The following ACTR2 variants were observed in gnomAD, a reference collection of about 807,000 sequenced individuals.
ACTR2 encodes the protein actin-related protein 2.
A neutral mutation model predicts 50.2 loss-of-function variants in ACTR2; 5 were observed. The observed-to-expected ratio is 0.10, with a 90% CI of 0.05 to 0.21. The LOEUF (loss-of-function observed/expected upper bound fraction) is 0.21. Among genes scored for constraint, ACTR2 ranks in the 10% least tolerant of loss-of-function variants. The pLI is 1.00. For missense variants in ACTR2, 180 were observed against 480.6 expected, an observed-to-expected ratio of 0.37 and a Z score of 5.85; for synonymous variants, 140 against 162.9, an observed-to-expected ratio of 0.86 and a Z score of 1.07.
At chr2:65,259,110 C>T (rs1373559679) in intron 6 of ACTR2, among the ~76,000 whole-genome samples, 1 of 151,912 alleles carries the variant, frequency 6.6e-6, no homozygotes, top group East Asian at 1.9e-4. Context: ...GTAGCTGGGA[C>T]CAAAGCTGGA....
chr2:65,270,201 T>G lies in ACTR2; in HGVS notation c.*1467T>G, dbSNP rs957191242. ...AAATATTTTTCTTCATTTTAAAACT[T>G]TTTTTTAACTAATAATAGCTTTGAA... On this transcript the variant is annotated 3_prime_UTR_variant, in exon 9 of 9. Transcript: ENST00000260641. 4.1e-5 allele frequency: 3 copies of G among 73,778 alleles called. No individual in the cohort carries two copies. The highest frequency in any genetic ancestry group is 1.8e-4 in the Admixed American group (1 of 5,518). 4.6% of individuals were successfully genotyped at this position (73,778 alleles called of 1,614,324 possible). A position where few individuals can be genotyped will look rare whatever the true frequency, so the allele number is the denominator to read the frequency against.
chr2:65,251,512 C>T (rs780702265), intron 4 of ACTR2, among the ~76,000 whole-genome samples: 1 of 152,104 alleles, frequency 6.6e-6, no homozygotes, highest in Non-Finnish European at 1.5e-5. Context: ...CAGGCATGTG[C>T]CACCACACCT....
intron 2 of ACTR2, 29 bp downstream of exon 2, chr2:65,239,991 A>G (rs1271390120): frequency 7.1e-7 from 1 of 1,399,034 alleles, no homozygotes; most frequent in Admixed American, 1.7e-5. Flanking sequence ...ATAAATGATA[A>G]TCAAGACATG....
At position 65,263,652 on chromosome 2, in the gene ACTR2, G is replaced by A. The variant is rs142147570; in HGVS notation, c.882-1391G>A. On this transcript the variant is annotated intron_variant, in intron 7 of 8. Coordinates refer to ENST00000260641, the MANE Select transcript of ACTR2 (RefSeq NM_005722.4). The stretch of plus-strand genomic sequence containing the variant: ...ACCTGGTAGAAGATGATCAGAAATC[G>A]AATCTAGCCTTCATAATTATGGTAA... 9.5e-3 allele frequency among the ~76,000 whole-genome samples: 1,445 copies of A among 152,298 alleles called. 29 individuals are homozygous for A. Among genetic ancestry groups the A allele is most frequent in the African/African-American group, 0.033 (1,387 of 41,552 alleles).
intron 5 of ACTR2, among the ~76,000 whole-genome samples, chr2:65,254,647 GC>G (rs2104008550): frequency 6.6e-6 from 1 of 152,268 alleles, no homozygotes; most frequent in East Asian, 1.9e-4. Flanking sequence ...GGTTGTCTGA[GC>G]TGGGCAGGAA....
chr2:65,258,576 G>A (rs187539552), intron 6 of ACTR2, among the ~76,000 whole-genome samples: 257 of 152,122 alleles, frequency 1.7e-3, no homozygotes, highest in Non-Finnish European at 2.5e-3. Flanking sequence ...GTGAAGGAGC[G>A]AGACCCTGTC....
In ACTR2 at chr2:65,252,819, T is replaced by C. The variant is rs1287452454; in HGVS notation, c.449-909T>C. On this transcript the variant is annotated intron_variant, in intron 4 of 8. Coordinates refer to ENST00000260641, the MANE Select transcript of ACTR2 (RefSeq NM_005722.4). ...TCCCTATCTCTATAAAAAGTAAAAT[T>C]AGCTGGGTGTGGTTGCACATGCCTA... Among the ~76,000 whole-genome samples the C allele has an allele frequency of 2.0e-5, 3 of 151,928 alleles. No homozygotes were observed. The East Asian group carries it at 5.8e-4, about 29-fold the overall frequency.
chr2:65,266,451 G>T (rs375103787), intron 8 of ACTR2, among the ~76,000 whole-genome samples: 18 of 152,250 alleles, frequency 1.2e-4, no homozygotes, highest in East Asian at 7.7e-4. Context: ...GAGCAAGGGA[G>T]GGGGGCAGGT....
At chr2:65,264,624 C>G (rs1268205498) in intron 7 of ACTR2, among the ~76,000 whole-genome samples, 5 of 151,604 alleles carry the variant, frequency 3.3e-5, no homozygotes, top group Admixed American at 2.6e-4. Context: ...AGCAAAGGAA[C>G]AAAAAAGAAA....
chr2:65,267,637 A>G (rs1284055049), intron 8 of ACTR2, among the ~76,000 whole-genome samples: 10 of 152,014 alleles, frequency 6.6e-5, no homozygotes, highest in Admixed American at 6.6e-4. Context: ...AGAGTATAAA[A>G]CTTTTCCCAA....
chr2:65,240,023 G>C (rs1160875017), intron 2 of ACTR2, 61 bp downstream of exon 2: 6 of 1,139,858 alleles, frequency 5.3e-6, no homozygotes, highest in Non-Finnish European at 7.8e-6. Context: ...TATAAAAGTA[G>C]TTTAACAGTT....
rs577028997 is a variant in ACTR2 at position 65,263,171 on chromosome 2, C to G, written c.881+1779C>G. 3.3e-5 allele frequency among the ~76,000 whole-genome samples: 5 copies of G among 151,028 alleles called. No homozygotes were observed. The South Asian group carries it at 8.4e-4, about 25-fold the overall frequency. On this transcript the variant is annotated intron_variant, in intron 7 of 8. Transcript: ENST00000260641. Reference sequence around the variant, plus strand: ...TCAGCCTCCCAAGTAGCTGGAATTGCAGACGTGAGCCACCACGCCCAGCCT... The same window carrying G: ...TCAGCCTCCCAAGTAGCTGGAATTGGAGACGTGAGCCACCACGCCCAGCCT...
chr2:65,261,464 A>G (rs1163522988), intron 7 of ACTR2, 72 bp downstream of exon 7: 8 of 1,366,680 alleles, frequency 5.9e-6, no homozygotes, highest in Middle Eastern at 1.8e-4. Context: ...GTTATTTATC[A>G]GAAATAGATG....
chr2:65,234,577 T>G (rs1430595004), intron 1 of ACTR2, among the ~76,000 whole-genome samples: 1 of 152,196 alleles, frequency 6.6e-6, no homozygotes, highest in East Asian at 1.9e-4. Context: ...ACGATTATAA[T>G]TGGAAGACTT....
intron 4 of ACTR2, among the ~76,000 whole-genome samples, chr2:65,253,036 T>C (rs1672082737): frequency 6.6e-6 from 1 of 152,246 alleles, no homozygotes; most frequent in African/African-American, 2.4e-5. Context: ...TTCTTAGATT[T>C]CTAGCTGTCT....
intron 1 of ACTR2, among the ~76,000 whole-genome samples, chr2:65,232,821 A>G (rs1256837329): frequency 2.6e-5 from 4 of 152,190 alleles, no homozygotes; most frequent in Non-Finnish European, 4.4e-5. Context: ...GAAACTATAT[A>G]TGGTAAAATC....
At chr2:65,245,235 G>A (rs1290656444) in intron 2 of ACTR2, among the ~76,000 whole-genome samples, 1 of 151,204 alleles carries the variant, frequency 6.6e-6, no homozygotes, top group Admixed American at 6.6e-5. Context: ...AACATCTCAT[G>A]TTGGCCAGGT....
chr2:65,248,364 C>T (rs143588776), intron 3 of ACTR2, among the ~76,000 whole-genome samples: 10,036 of 152,114 alleles, frequency 0.066, 1,126 homozygotes, highest in African/African-American at 0.23. Context: ...TACACCACTG[C>T]ATTCCAGCCT....
chr2:65,239,960 A>G lies in ACTR2; in HGVS notation c.157A>G (p.Lys53Glu), dbSNP rs1350844787. The G allele has an allele frequency of 6.4e-7, 1 of 1,568,488 alleles. No individual in the cohort carries two copies. The highest frequency in any genetic ancestry group is 1.4e-5 in the African/African-American group (1 of 74,012). The change falls in exon 2 of 9, where the codon AAG becomes GAG. Residue 53 changes from lysine (K) to glutamate (E), a missense_variant and splice_region_variant. Transcript: ENST00000260641. ...STTKVGNIEI[K>E]DLMVGDEASE... The stretch of plus-strand genomic sequence containing the variant: ...CACCAAAGTGGGAAACATTGAAATC[A>G]AGGTAATATTTTATTTATTGATAAA...
Sources: allele counts gnomAD v4.1 joint callset (sites outside exome capture counted in the v4.1 genomes callset), GRCh38; gene constraint gnomAD v4.1.1; transcripts MANE v1.5; gene names NCBI Gene and HGNC (gene_info 2026-07-23, HGNC 2026-07-21).